PARN: variants seen among roughly 807,000 people sequenced by gnomAD.
The protein encoded by PARN is poly(A)-specific ribonuclease.
In PARN, 71 loss-of-function variants were observed where a neutral mutation model predicts 102.8. The ratio of observed to expected loss-of-function variants is 0.69; its 90% CI spans 0.57 to 0.84. The LOEUF (loss-of-function observed/expected upper bound fraction) is 0.84, where lower values mean the gene tolerates loss of function less well. PARN is among the 40% of genes least tolerant of loss of function. PARN has a pLI of 0.00. For synonymous variants in PARN, 261 were observed against 252.9 expected (o/e 1.03, Z -0.30); for missense variants, 782 against 760.9 (o/e 1.03, Z -0.33).
At chr16:14,611,914 C>T (rs959414950) in intron 6 of PARN, among the ~76,000 whole-genome samples, 1 of 152,126 alleles carries the variant, frequency 6.6e-6, no homozygotes, top group African/African-American at 2.4e-5. Context: ...TGTCGCAATA[C>T]TCAACCCTGC....
At chr16:14,544,529 C>T (rs915933826) in intron 21 of PARN, among the ~76,000 whole-genome samples, 9 of 152,004 alleles carry the variant, frequency 5.9e-5, no homozygotes, top group African/African-American at 9.7e-5. Flanking sequence ...AAGCTGAGAC[C>T]GCACCACTGC....
intron 22 of PARN, among the ~76,000 whole-genome samples, chr16:14,471,132 C>G (rs550381072): frequency 6.6e-6 from 1 of 152,246 alleles, no homozygotes; most frequent in East Asian, 1.9e-4. Flanking sequence ...CCCAGCTGTG[C>G]TTTTGTCAAA....
chr16:14,478,794 T>C (rs987071580), intron 22 of PARN, among the ~76,000 whole-genome samples: 1 of 152,204 alleles, frequency 6.6e-6, no homozygotes, highest in Non-Finnish European at 1.5e-5. Flanking sequence ...ATATTTCTTT[T>C]TTTTGAGATG....
rs28530575 is a variant in PARN, at chr16:14,553,275, A to G, written c.1405+790T>C. On this transcript the variant is annotated intron_variant, in intron 20 of 23. Coordinates refer to ENST00000437198, the MANE Select transcript of PARN (RefSeq NM_002582.4). The stretch of plus-strand genomic sequence containing the variant: ...TCTATTTAAAAAAAAAAAAAAAAAA[A>G]AAAGAAAGAAAATGAAAAATGGTGT... 4.5e-3 allele frequency among the ~76,000 whole-genome samples: 679 copies of G among 150,382 alleles called. 8 individuals are homozygous for G. Among genetic ancestry groups the G allele is most frequent in the Non-Finnish European group, 4.8e-3 (323 of 67,568 alleles).
At chr16:14,522,797 G>A (rs1965807820) in intron 21 of PARN, among the ~76,000 whole-genome samples, 1 of 152,156 alleles carries the variant, frequency 6.6e-6, no homozygotes. Flanking sequence ...AAAGCTCCCT[G>A]TCCATGGCCT....
chr16:14,538,017 G>A (rs1338384716), intron 21 of PARN, among the ~76,000 whole-genome samples: 2 of 152,036 alleles, frequency 1.3e-5, no homozygotes, highest in African/African-American at 2.4e-5. Flanking sequence ...ATTACATACT[G>A]TATACATATA....
intron 22 of PARN, among the ~76,000 whole-genome samples, chr16:14,473,664 CAAGG>C (rs1962877223): frequency 1.3e-5 from 2 of 152,212 alleles, no homozygotes; most frequent in South Asian, 4.1e-4. Context: ...AGAGAAGCAC[CAAGG>C]AAGAGTCAAC....
intron 21 of PARN, among the ~76,000 whole-genome samples, chr16:14,548,010 C>T (rs1022262265): frequency 2.0e-5 from 3 of 151,996 alleles, no homozygotes; most frequent in Admixed American, 6.6e-5. Context: ...TTTGGAAGGC[C>T]GAAGAGTGCA....
chr16:14,604,720 A>C (rs1712410986), intron 10 of PARN, among the ~76,000 whole-genome samples: 1 of 151,980 alleles, frequency 6.6e-6, no homozygotes, highest in Non-Finnish European at 1.5e-5. Context: ...GATTCAAGTG[A>C]TTCTCCTGCC....
In PARN at chr16:14,605,529, T is replaced by C. The variant is rs752031784; in HGVS notation, c.702+955A>G. ...TATTAACATTAACAAAACTTACATATATATGTTGTATTACCATAAGAAAAA... is the reference window on the plus strand; with the variant it reads ...TATTAACATTAACAAAACTTACATACATATGTTGTATTACCATAAGAAAAA... On this transcript the variant is annotated intron_variant, in intron 10 of 23. Transcript: ENST00000437198. Among the ~76,000 whole-genome samples the C allele has an allele frequency of 4.4e-5, 6 of 136,828 alleles. No homozygotes were observed. The East Asian group carries it at 1.0e-3, about 23-fold the overall frequency. 89.8% of individuals were successfully genotyped at this position (136,828 alleles called of 152,430 possible).
chr16:14,531,909 A>G (rs1273166054), intron 21 of PARN, among the ~76,000 whole-genome samples: 1 of 151,522 alleles, frequency 6.6e-6, no homozygotes, highest in Admixed American at 6.6e-5. Context: ...TAAAAAAAAA[A>G]AAAAAAAGGC....
At chr16:14,468,565 C>A (rs925934885) in intron 22 of PARN, among the ~76,000 whole-genome samples, 1 of 152,178 alleles carries the variant, frequency 6.6e-6, no homozygotes, top group African/African-American at 2.4e-5. Context: ...AGCAGCCTTG[C>A]TGATGGGCAG....
chr16:14,441,425 C>T (rs915149977), intron 23 of PARN, among the ~76,000 whole-genome samples: 15 of 152,182 alleles, frequency 9.9e-5, no homozygotes, highest in African/African-American at 2.9e-4. Context: ...GAATCCCAAA[C>T]GGATTCTAAG....
intron 21 of PARN, among the ~76,000 whole-genome samples, chr16:14,508,030 C>T (rs1449816510): frequency 6.6e-6 from 1 of 152,020 alleles, no homozygotes; most frequent in African/African-American, 2.4e-5. Flanking sequence ...GAAAATATGC[C>T]AGAATGTTAT....
intron 21 of PARN, among the ~76,000 whole-genome samples, chr16:14,506,743 C>T (rs1394790189): frequency 6.6e-6 from 1 of 152,164 alleles, no homozygotes; most frequent in Non-Finnish European, 1.5e-5. Flanking sequence ...TTAGTTCCAG[C>T]TACTTGAGAG....
intron 21 of PARN, among the ~76,000 whole-genome samples, chr16:14,531,528 A>C (rs980570593): frequency 9.9e-5 from 15 of 152,232 alleles, no homozygotes; most frequent in Admixed American, 7.9e-4. Flanking sequence ...TAGATGTGGC[A>C]GGTTCCCAGA....
chr16:14,617,240 C>T (rs1289941242), intron 6 of PARN, among the ~76,000 whole-genome samples: 5 of 151,474 alleles, frequency 3.3e-5, no homozygotes, highest in African/African-American at 1.2e-4. Flanking sequence ...AAAAATTAGC[C>T]AGGCGTGGTG....
chr16:14,533,243 A>C (rs1240068360), intron 21 of PARN, among the ~76,000 whole-genome samples: 2 of 152,030 alleles, frequency 1.3e-5, no homozygotes, highest in Non-Finnish European at 2.9e-5. Flanking sequence ...GTCTCCACCA[A>C]AAAAATATGA....
At chr16:14,522,794 C>T (rs548965875) in intron 21 of PARN, among the ~76,000 whole-genome samples, 3 of 152,116 alleles carry the variant, frequency 2.0e-5, no homozygotes, top group Non-Finnish European at 4.4e-5. Context: ...ACCAAAGCTC[C>T]CTGTCCATGG....
Sources: gnomAD v4.1 joint callset for allele counts (sites outside exome capture counted in the v4.1 genomes callset) on GRCh38, gnomAD v4.1.1 for gene constraint, MANE v1.5 for transcripts, NCBI Gene and HGNC (gene_info 2026-07-23, HGNC 2026-07-21) for gene names.